Variants in PTPRG observed in about 807,000 individuals in gnomAD.
PTPRG encodes the protein receptor-type tyrosine-protein phosphatase gamma.
A neutral mutation model predicts 165.3 loss-of-function variants in PTPRG; 102 were observed. The ratio of observed to expected loss-of-function variants is 0.62; its 90% CI spans 0.53 to 0.73. The LOEUF (loss-of-function observed/expected upper bound fraction) is 0.73, where lower values mean the gene tolerates loss of function less well. Among genes scored for constraint, PTPRG ranks in the 30% least tolerant of loss-of-function variants. The pLI, the probability that PTPRG is intolerant of heterozygous loss-of-function variation, is 0.00. For missense variants in PTPRG, 1,866 were observed against 1,861.4 expected, an observed-to-expected ratio of 1.00 and a Z score of -0.05; for synonymous variants, 675 against 669.5, an observed-to-expected ratio of 1.01 and a Z score of -0.13.
chr3:61,697,791 G>A (rs1167241996), intron 1 of PTPRG, among the ~76,000 whole-genome samples: 1 of 152,024 alleles, frequency 6.6e-6, no homozygotes, highest in African/African-American at 2.4e-5. Flanking sequence ...GGGTAGTTAC[G>A]CCTCAACCAT....
intron 2 of PTPRG, chr3:61,751,141 C>G (rs891482421): frequency 1.3e-5 from 2 of 152,206 alleles, no homozygotes; most frequent in South Asian, 4.1e-4. Flanking sequence ...CTCATGCTGA[C>G]GTGGTGCAGT....
intron 2 of PTPRG, among the ~76,000 whole-genome samples, chr3:61,982,778 G>T (rs2040670793): frequency 6.6e-6 from 1 of 152,116 alleles, no homozygotes; most frequent in African/African-American, 2.4e-5. Flanking sequence ...GGTACTGAAT[G>T]AAATTTTACC....
chr3:62,036,551 A>G (rs553791350), intron 4 of PTPRG, among the ~76,000 whole-genome samples: 1 of 152,154 alleles, frequency 6.6e-6, no homozygotes, highest in African/African-American at 2.4e-5. Flanking sequence ...AGAGTTAAAC[A>G]AGTCAAGGGT....
intron 2 of PTPRG, among the ~76,000 whole-genome samples, chr3:61,812,176 C>T (rs534816547): frequency 6.6e-6 from 1 of 151,956 alleles, no homozygotes; most frequent in Non-Finnish European, 1.5e-5. Flanking sequence ...AGTTTTCTGG[C>T]AACTTCTTCC....
At chr3:61,592,637 C>G (rs549458656) in intron 1 of PTPRG, among the ~76,000 whole-genome samples, 113 of 143,642 alleles carry the variant, frequency 7.9e-4, no homozygotes, top group Non-Finnish European at 1.5e-3. Flanking sequence ...CTTTTTCTTT[C>G]TTTCTTTCTT....
At chr3:62,156,823 G>T (rs1329670196) in intron 6 of PTPRG, among the ~76,000 whole-genome samples, 1 of 152,110 alleles carries the variant, frequency 6.6e-6, no homozygotes, top group African/African-American at 2.4e-5. Flanking sequence ...GCCCAACCAT[G>T]TTCATCATGG....
chr3:61,999,994 A>G (rs2041131787), intron 3 of PTPRG, among the ~76,000 whole-genome samples: 1 of 152,084 alleles, frequency 6.6e-6, no homozygotes, highest in South Asian at 2.1e-4. Context: ...TCTACTCAAT[A>G]CTTAAGATCT....
chr3:61,758,138 C>T (rs546896792), intron 2 of PTPRG, among the ~76,000 whole-genome samples: 10 of 148,846 alleles, frequency 6.7e-5, no homozygotes, highest in South Asian at 4.3e-4. Flanking sequence ...TGACTATAGG[C>T]GCACACCACC....
intron 2 of PTPRG, among the ~76,000 whole-genome samples, chr3:61,809,909 C>T (rs1343860697): frequency 5.9e-5 from 9 of 152,308 alleles, no homozygotes; most frequent in Non-Finnish European, 2.9e-5. Flanking sequence ...CCCCCAGCTC[C>T]TGTATCAGGG....
intron 5 of PTPRG, among the ~76,000 whole-genome samples, chr3:62,105,341 T>A (rs1459404756): frequency 6.6e-6 from 1 of 152,210 alleles, no homozygotes; most frequent in Non-Finnish European, 1.5e-5. Flanking sequence ...CATAGTTTTG[T>A]TAGACTTCGA....
At chr3:61,869,334 T>A (rs1315590103) in intron 2 of PTPRG, among the ~76,000 whole-genome samples, 1 of 152,224 alleles carries the variant, frequency 6.6e-6, no homozygotes, top group Admixed American at 6.5e-5. Flanking sequence ...TGAAAGACCA[T>A]CTTGCCTGCA....
chr3:61,694,307 A>G (rs560757462), intron 1 of PTPRG, among the ~76,000 whole-genome samples: 75 of 152,380 alleles, frequency 4.9e-4, no homozygotes, highest in African/African-American at 1.7e-3. Flanking sequence ...GACATTAAGA[A>G]AAAGATTTTT....
chr3:62,042,714 C>G (rs1389447967), intron 4 of PTPRG, among the ~76,000 whole-genome samples: 1 of 152,186 alleles, frequency 6.6e-6, no homozygotes, highest in African/African-American at 2.4e-5. Flanking sequence ...TTCTATAATT[C>G]TGTGCTGTAA....
In PTPRG at chr3:62,219,052, G is replaced by A. The variant is rs1700585540; in HGVS notation, c.2288+69G>A. The A allele has an allele frequency of 1.3e-6, 2 of 1,567,594 alleles. No individual in the cohort carries two copies. Among genetic ancestry groups the A allele is most frequent in the African/African-American group, 2.7e-5 (2 of 73,616 alleles). The stretch of plus-strand genomic sequence containing the variant: ...CTGGCCAGGTTTTGCTCACGGGAGG[G>A]GAATCCCACGGCCTCTGCATTCAGG... On this transcript the variant is annotated intron_variant, in intron 13 of 29. Transcript: ENST00000474889. The surrounding 1 kb of genome is among the most constrained non-coding windows in gnomAD (Gnocchi z 4.5).
chr3:62,066,499 TC>T (rs1355078940), intron 4 of PTPRG, among the ~76,000 whole-genome samples: 1 of 104,358 alleles, frequency 9.6e-6, no homozygotes, highest in East Asian at 2.7e-4. Flanking sequence ...CTAAAAAGTT[TC>T]ATATTACAAA....
At chr3:62,241,828 G>A (rs1027561842) in intron 14 of PTPRG, among the ~76,000 whole-genome samples, 2 of 151,972 alleles carry the variant, frequency 1.3e-5, no homozygotes, top group Admixed American at 1.3e-4. Context: ...GGCTAACCCA[G>A]TAAATTGCAT....
intron 16 of PTPRG, among the ~76,000 whole-genome samples, chr3:62,259,405 T>C (rs532886205): frequency 6.6e-6 from 1 of 151,768 alleles, no homozygotes; most frequent in Non-Finnish European, 1.5e-5. Flanking sequence ...GCTAAAAAAT[T>C]GCAGGGAAAA....
In PTPRG at chr3:61,627,348, A is replaced by G. The variant is rs866673173; in HGVS notation, c.85+64976A>G. Among the ~76,000 whole-genome samples the G allele has an allele frequency of 5.9e-5, 9 of 152,242 alleles. No homozygotes were observed. In the East Asian group the frequency reaches 7.7e-4, roughly 13 times the overall value. On this transcript the variant is annotated intron_variant, in intron 1 of 29. Coordinates refer to ENST00000474889, the MANE Select transcript of PTPRG (RefSeq NM_002841.4). ...AAAAACATAAAATTTGCCTGATACG[A>G]TAATTGTTGAGGGTAAGGGAATGGT...
At chr3:61,692,807 G>A (rs918857916) in intron 1 of PTPRG, among the ~76,000 whole-genome samples, 4 of 152,174 alleles carry the variant, frequency 2.6e-5, no homozygotes, top group African/African-American at 9.7e-5. Context: ...GCAGGAACCG[G>A]CCATCTGGAT....
Sources: allele counts gnomAD v4.1 joint callset (sites outside exome capture counted in the v4.1 genomes callset), GRCh38; gene constraint gnomAD v4.1.1; non-coding constraint Gnocchi (gnomAD v3.1); transcripts MANE v1.5; gene names NCBI Gene and HGNC (gene_info 2026-07-23, HGNC 2026-07-21).